Variants in UBL3 observed in about 807,000 individuals in gnomAD.
The protein encoded by UBL3 is ubiquitin-like protein 3.
In UBL3, 6 loss-of-function variants were observed where a neutral mutation model predicts 18.4. The ratio of observed to expected loss-of-function variants is 0.33; its 90% CI spans 0.18 to 0.64. The LOEUF (loss-of-function observed/expected upper bound fraction) is 0.64. UBL3 is among the 30% of genes least tolerant of loss of function. The pLI, the probability that UBL3 is intolerant of heterozygous loss-of-function variation, is 0.76. For missense variants in UBL3, 109 were observed against 142.9 expected, an observed-to-expected ratio of 0.76 and a Z score of 1.21; for synonymous variants, 49 against 46.6, an observed-to-expected ratio of 1.05 and a Z score of -0.21.
chr13:29,834,200 A>AAG lies in UBL3; in HGVS notation c.27+15311_27+15312insCT, dbSNP rs532180632. On this transcript the variant is annotated intron_variant, in intron 1 of 4. Coordinates refer to ENST00000380680, the MANE Select transcript of UBL3 (RefSeq NM_007106.4). ...TCTGTCTCAAGAAAAAAAAAAAAAA[A>AAG]GGAGTAAGAAGAACAGAATGAATAC... 3.4e-3 allele frequency among the ~76,000 whole-genome samples: 514 copies of AAG among 149,696 alleles called. 10 individuals carry two copies. Among genetic ancestry groups the AAG allele is most frequent in the African/African-American group, 0.012 (469 of 40,612 alleles).
At chr13:29,842,224 C>T (rs946525069) in intron 1 of UBL3, among the ~76,000 whole-genome samples, 12 of 147,244 alleles carry the variant, frequency 8.1e-5, no homozygotes, top group African/African-American at 3.0e-4. Context: ...TCACTGCAAC[C>T]TCTGCTCACT....
intron 1 of UBL3, among the ~76,000 whole-genome samples, chr13:29,798,322 G>A (rs1877669439): frequency 6.6e-6 from 1 of 152,030 alleles, no homozygotes; most frequent in African/African-American, 2.4e-5. Context: ...CACCGCGCCC[G>A]ACCCTAAACA....
chr13:29,782,744 G>T (rs1593653559), intron 1 of UBL3, among the ~76,000 whole-genome samples: 1 of 152,200 alleles, frequency 6.6e-6, no homozygotes, highest in Non-Finnish European at 1.5e-5. Context: ...ACCCTTCTGG[G>T]TGGGGAAGGG....
At chr13:29,820,816 G>C (rs1271266117) in intron 1 of UBL3, among the ~76,000 whole-genome samples, 3 of 151,986 alleles carry the variant, frequency 2.0e-5, no homozygotes, top group Non-Finnish European at 4.4e-5. Context: ...TTGTCTTTTT[G>C]TTCTATAATC....
rs568884269 is a variant in UBL3 at position 29,775,932 on chromosome 13, TA to T, written c.136+1222del. 1.9e-3 allele frequency among the ~76,000 whole-genome samples: 282 copies of T among 148,646 alleles called. 1 individual carries two copies. The highest frequency in any genetic ancestry group is 6.5e-3 in the African/African-American group (263 of 40,494). On this transcript the variant is annotated intron_variant, in intron 2 of 4. Coordinates refer to ENST00000380680, the MANE Select transcript of UBL3 (RefSeq NM_007106.4). ...ACGCCCAGCTGACGGTCTTATTATATAAAAAAAAAATCAAAGAAAATAAGAA... is the reference window on the plus strand; with the variant it reads ...ACGCCCAGCTGACGGTCTTATTATATAAAAAAAAATCAAAGAAAATAAGAA...
At chr13:29,780,631 G>A (rs114786939) in intron 1 of UBL3, among the ~76,000 whole-genome samples, 2,133 of 151,886 alleles carry the variant, frequency 0.014, 45 homozygotes, top group African/African-American at 0.049. Context: ...ACGAAATATA[G>A]AATATTCATG....
chr13:29,790,339 A>G (rs975472513), intron 1 of UBL3, among the ~76,000 whole-genome samples: 3 of 152,216 alleles, frequency 2.0e-5, no homozygotes, highest in Admixed American at 6.5e-5. Context: ...CTAACTCTTT[A>G]TCTTTCATTC....
chr13:29,807,509 C>T (rs1474216463), intron 1 of UBL3, among the ~76,000 whole-genome samples: 3 of 152,164 alleles, frequency 2.0e-5, no homozygotes, highest in African/African-American at 4.8e-5. Flanking sequence ...TGACTTCAAC[C>T]ACAATTCTAC....
chr13:29,845,956 T>C (rs560648790), intron 1 of UBL3, among the ~76,000 whole-genome samples: 1 of 152,262 alleles, frequency 6.6e-6, no homozygotes, highest in South Asian at 2.1e-4. Context: ...AAATGTTGTA[T>C]ACAATACTCT....
intron 1 of UBL3, among the ~76,000 whole-genome samples, chr13:29,792,709 T>C (rs1336203774): frequency 1.3e-5 from 2 of 152,240 alleles, no homozygotes; most frequent in African/African-American, 4.8e-5. Context: ...GAATTCTTAC[T>C]TGAATACAAT....
chr13:29,764,570 T>C lies in UBL3; in HGVS notation c.*2685A>G, dbSNP rs759383051. On this transcript the variant is annotated 3_prime_UTR_variant, in exon 5 of 5. Coordinates refer to ENST00000380680, the MANE Select transcript of UBL3 (RefSeq NM_007106.4). The stretch of plus-strand genomic sequence containing the variant: ...ACGTGAATGGTAATGTTAGATACTG[T>C]ATTTTTCCATGGTAAAATACAACTT... The C allele has an allele frequency of 6.6e-5, 10 of 152,246 alleles. No individual in the cohort carries two copies. The highest frequency in any genetic ancestry group is 1.2e-4 in the Non-Finnish European group (8 of 68,048). The allele number at this position is 152,246 out of a possible 1,614,324, so 9.4% of individuals were successfully genotyped here. A position where few individuals can be genotyped will look rare whatever the true frequency, so the allele number is the denominator to read the frequency against.
intron 1 of UBL3, among the ~76,000 whole-genome samples, chr13:29,790,023 T>C (rs914546249): frequency 3.3e-5 from 5 of 152,112 alleles, no homozygotes; most frequent in African/African-American, 1.2e-4. Flanking sequence ...CCCCATACTT[T>C]TAAGAAAACA....
rs1566001075 is a variant in UBL3 at position 29,835,132 on chromosome 13, ATAT to A, written c.27+14377_27+14379del. Reference sequence around the variant, plus strand: ...AATATATATATATATATAAATATATATATATATATATATATATATATATATATA... The same window carrying A: ...AATATATATATATATATAAATATATAATATATATATATATATATATATATA... On this transcript the variant is annotated intron_variant, in intron 1 of 4. Coordinates refer to ENST00000380680, the MANE Select transcript of UBL3 (RefSeq NM_007106.4). 5.9e-3 allele frequency among the ~76,000 whole-genome samples: 35 copies of A among 5,950 alleles called. 1 individual carries two copies. The highest frequency in any genetic ancestry group is 8.6e-3 in the Non-Finnish European group (29 of 3,370). The allele number at this position is 5,950 out of a possible 152,430, so 3.9% of individuals were successfully genotyped here.
At chr13:29,784,215 GA>G (rs561132729) in intron 1 of UBL3, among the ~76,000 whole-genome samples, 20 of 152,122 alleles carry the variant, frequency 1.3e-4, no homozygotes, top group African/African-American at 4.1e-4. Context: ...GGTCAGGATG[GA>G]AAAAAATGAC....
intron 1 of UBL3, among the ~76,000 whole-genome samples, chr13:29,833,898 T>C (rs1400097383): frequency 6.6e-6 from 1 of 152,192 alleles, no homozygotes. Flanking sequence ...ACTTATTGAC[T>C]GTCTGAATAA....
At chr13:29,774,622 C>A (rs147050375) in intron 2 of UBL3, among the ~76,000 whole-genome samples, 172 of 152,098 alleles carry the variant, frequency 1.1e-3, no homozygotes, top group African/African-American at 4.0e-3. Context: ...TAGAAACTAG[C>A]CGCTTGGTTA....
intron 1 of UBL3, among the ~76,000 whole-genome samples, chr13:29,843,256 T>C (rs887734233): frequency 2.6e-5 from 4 of 152,202 alleles, no homozygotes; most frequent in Non-Finnish European, 4.4e-5. Flanking sequence ...ATAAAACATA[T>C]ACTAAAAACA....
chr13:29,824,329 T>G (rs1593669990), intron 1 of UBL3, among the ~76,000 whole-genome samples: 1 of 152,240 alleles, frequency 6.6e-6, no homozygotes, highest in East Asian at 1.9e-4. Flanking sequence ...CCACCAACAC[T>G]GTAAAAGTGT....
intron 1 of UBL3, among the ~76,000 whole-genome samples, chr13:29,824,502 G>A (rs1310613239): frequency 6.6e-6 from 1 of 152,212 alleles, no homozygotes; most frequent in Non-Finnish European, 1.5e-5. Context: ...CTGCATAAAT[G>A]TCTTCTTTTG....
Sources: allele counts gnomAD v4.1 joint callset (sites outside exome capture counted in the v4.1 genomes callset), GRCh38; gene constraint gnomAD v4.1.1; transcripts MANE v1.5; gene names NCBI Gene and HGNC (gene_info 2026-07-23, HGNC 2026-07-21).